The following WSCD2 variants were observed in gnomAD, a reference collection of about 807,000 sequenced individuals.
WSCD2 encodes sialate:O-sulfotransferase 2.
Under a neutral mutation model 55.7 loss-of-function variants are expected in WSCD2, and 28 were observed. The observed-to-expected ratio is 0.50, with a 90% CI of 0.37 to 0.69. WSCD2 has a LOEUF of 0.69. Among genes scored for constraint, WSCD2 ranks in the 30% least tolerant of loss-of-function variants. WSCD2 has a pLI of 0.00. For missense variants in WSCD2, 616 were observed against 762.1 expected, an observed-to-expected ratio of 0.81 and a Z score of 2.26; for synonymous variants, 301 against 301.9, an observed-to-expected ratio of 1.00 and a Z score of 0.03.
At chr12:108,197,703 A>C (rs1884106678) in intron 2 of WSCD2, among the ~76,000 whole-genome samples, 1 of 151,940 alleles carries the variant, frequency 6.6e-6, no homozygotes, top group Admixed American at 6.6e-5. Context: ...CAGCCACTCC[A>C]AACTCCATTC....
At chr12:108,239,602 G>A (rs1428631459) in intron 7 of WSCD2, among the ~76,000 whole-genome samples, 2 of 152,176 alleles carry the variant, frequency 1.3e-5, no homozygotes, top group Non-Finnish European at 2.9e-5. Context: ...GCCACAGGAA[G>A]TCACATGGCC....
Position 108,142,901 on chromosome 12 carries a change from C to G in WSCD2, c.-552+12975C>G, listed in dbSNP as rs550938254. On this transcript the variant is annotated intron_variant, in intron 1 of 8. Coordinates refer to ENST00000547525, the MANE Select transcript of WSCD2 (RefSeq NM_014653.4). ...CTGTCAAAGCTCACTGCCTCGACCT[C>G]CTAGGCTCAAGAGATACTCCTGCCT... Among the ~76,000 whole-genome samples the G allele has an allele frequency of 2.6e-5, 4 of 152,280 alleles. No individual in the cohort carries two copies. The South Asian group carries it at 8.3e-4, about 32-fold the overall frequency.
At chr12:108,203,040 G>A (rs576480473) in intron 2 of WSCD2, among the ~76,000 whole-genome samples, 1 of 152,322 alleles carries the variant, frequency 6.6e-6, no homozygotes, top group Non-Finnish European at 1.5e-5. Context: ...GTGGCATATA[G>A]GAAGGGGCAA....
intron 1 of WSCD2, among the ~76,000 whole-genome samples, chr12:108,138,210 A>G (rs1202622441): frequency 6.6e-6 from 1 of 152,226 alleles, no homozygotes; most frequent in East Asian, 1.9e-4. Flanking sequence ...TTTGATGGCC[A>G]GCATGCGGGA....
intron 6 of WSCD2, 41 bp downstream of exon 6, chr12:108,227,205 C>A: frequency 6.3e-7 from 1 of 1,584,482 alleles, no homozygotes; most frequent in South Asian, 1.2e-5. Context: ...GATGCACTCC[C>A]AGTGGCTTCC....
At chr12:108,145,142 C>T (rs2136894576) in intron 1 of WSCD2, among the ~76,000 whole-genome samples, 1 of 152,336 alleles carries the variant, frequency 6.6e-6, no homozygotes, top group Admixed American at 6.5e-5. Context: ...TTAAACACAC[C>T]TTGCTGCCTC....
chr12:108,139,335 T>C (rs1002419367), intron 1 of WSCD2, among the ~76,000 whole-genome samples: 1 of 152,204 alleles, frequency 6.6e-6, no homozygotes, highest in Non-Finnish European at 1.5e-5. Context: ...GGTGTTCTTC[T>C]TCTTGTTTCC....
intron 2 of WSCD2, among the ~76,000 whole-genome samples, chr12:108,202,411 G>T (rs183790928): frequency 6.6e-6 from 1 of 152,116 alleles, no homozygotes; most frequent in Non-Finnish European, 1.5e-5. Context: ...AGGGTCATTC[G>T]TTCATTCAAC....
At chr12:108,227,192 C>T in intron 6 of WSCD2, 28 bp downstream of exon 6, 3 of 1,597,574 alleles carry the variant, frequency 1.9e-6, no homozygotes, top group Non-Finnish European at 2.6e-6. Flanking sequence ...CCAGTGGACC[C>T]CAGATGCACT....
chr12:108,153,121 A>ACAAACAAG (rs1259681914), intron 1 of WSCD2, among the ~76,000 whole-genome samples: 1 of 151,836 alleles, frequency 6.6e-6, no homozygotes, highest in Non-Finnish European at 1.5e-5. Context: ...AAACAAACAA[A>ACAAACAAG]CAAACAAAAA....
At position 108,210,993 on chromosome 12, in the gene WSCD2, C is replaced by T. The variant is rs1205502126; in HGVS notation, c.682+688C>T. ...CCTTGTCTGAGGGCACTCCTGGGTC[C>T]CCTCCTGGGGACTGGGGAGGAATGT... On this transcript the variant is annotated intron_variant, in intron 4 of 8. Transcript: ENST00000547525. The surrounding 1 kb of genome is among the most constrained non-coding windows in gnomAD (Gnocchi z 4.3). Among the ~76,000 whole-genome samples the T allele has an allele frequency of 6.6e-6, 1 of 152,220 alleles. No homozygotes were observed. The highest frequency in any genetic ancestry group is 2.4e-5 in the African/African-American group (1 of 41,446).
intron 8 of WSCD2, among the ~76,000 whole-genome samples, chr12:108,245,508 C>T (rs1435208748): frequency 2.0e-5 from 3 of 152,194 alleles, no homozygotes; most frequent in Admixed American, 6.5e-5. Context: ...CCTGGAGCTA[C>T]CTGAGAGACT....
chr12:108,195,420 T>C lies in WSCD2; in HGVS notation c.-413T>C, dbSNP rs1354630739. Reference sequence around the variant, plus strand: ...CCCCAGTGAAATAACCCAGATCCATTGGCCTGAGGAGCAGAGAAAGGGCAA... The same window carrying C: ...CCCCAGTGAAATAACCCAGATCCATCGGCCTGAGGAGCAGAGAAAGGGCAA... On this transcript the variant is annotated 5_prime_UTR_variant, in exon 2 of 9. Transcript: ENST00000547525. The C allele has an allele frequency of 6.1e-6, 1 of 162,652 alleles. No homozygotes were observed. Among genetic ancestry groups the C allele is most frequent in the Non-Finnish European group, 1.3e-5 (1 of 75,288 alleles). The allele number at this position is 162,652 out of a possible 1,614,324, so 10.1% of individuals were successfully genotyped here.
intron 7 of WSCD2, among the ~76,000 whole-genome samples, chr12:108,234,311 T>C (rs952437405): frequency 4.6e-5 from 7 of 152,160 alleles, no homozygotes; most frequent in African/African-American, 1.7e-4. Flanking sequence ...CCGCTAACCC[T>C]AGCTCAGGGA....
intron 1 of WSCD2, among the ~76,000 whole-genome samples, chr12:108,132,610 C>A (rs1178095386): frequency 6.6e-6 from 1 of 152,044 alleles, no homozygotes; most frequent in Non-Finnish European, 1.5e-5. Context: ...GAATGTTACG[C>A]AGTTGTATAT....
At chr12:108,232,970 A>T in intron 7 of WSCD2, 75 bp downstream of exon 7, 1 of 1,558,632 alleles carries the variant, frequency 6.4e-7, no homozygotes, top group Middle Eastern at 1.8e-4. Context: ...GGGTATGGGA[A>T]TACTCCTCCT....
chr12:108,213,965 C>A (rs1443682153), intron 4 of WSCD2, among the ~76,000 whole-genome samples: 1 of 152,196 alleles, frequency 6.6e-6, no homozygotes, highest in African/African-American at 2.4e-5. Context: ...AATGTGAAAT[C>A]TGCAATGTCT....
chr12:108,193,611 GGATGGATA>G (rs1231925462), intron 1 of WSCD2, among the ~76,000 whole-genome samples: 4 of 150,762 alleles, frequency 2.7e-5, no homozygotes, highest in African/African-American at 9.9e-5. Context: ...ATGGATGGAT[GGATGGATA>G]GATGGATGGA....
At chr12:108,187,419 A>G (rs886570132) in intron 1 of WSCD2, among the ~76,000 whole-genome samples, 8 of 152,210 alleles carry the variant, frequency 5.3e-5, no homozygotes, top group African/African-American at 1.9e-4. Context: ...GAGAATGACT[A>G]CCTACTAAGA....
Sources: gnomAD v4.1 joint callset for allele counts (sites outside exome capture counted in the v4.1 genomes callset) on GRCh38, gnomAD v4.1.1 for gene constraint, Gnocchi (gnomAD v3.1) non-coding constraint, MANE v1.5 for transcripts, NCBI Gene and HGNC (gene_info 2026-07-23, HGNC 2026-07-21) for gene names.